Variants in HAUS7 observed in about 807,000 individuals in gnomAD.
HAUS7 encodes HAUS augmin like complex subunit 7.
A neutral mutation model predicts 28.4 loss-of-function variants in HAUS7; 3 were observed. That is an observed-to-expected ratio of 0.11 (90% CI 0.05 to 0.27). HAUS7 has a LOEUF of 0.27. Ranked by LOEUF, HAUS7 falls within the 10% of genes least tolerant of loss-of-function variation. The probability of loss-of-function intolerance (pLI) is 1.00; values close to 1 mark genes in which losing one functional copy is unlikely to be tolerated. For missense variants in HAUS7, 284 were observed against 297.3 expected, an observed-to-expected ratio of 0.96 and a Z score of 0.33; for synonymous variants, 165 against 132.1, an observed-to-expected ratio of 1.25 and a Z score of -1.71.
upstream of HAUS7, among the ~76,000 whole-genome samples, chrX:153,475,201 G>A (rs1460991877): frequency 8.9e-6 from 1 of 112,368 alleles, no homozygotes; most frequent in African/African-American, 3.2e-5. Flanking sequence ...TTTCACACGG[G>A]CAAAGAGGGT....
chrX:153,481,018 CA>C, intron 1 of HAUS7: 1 of 754,267 alleles, frequency 1.3e-6, no homozygotes, highest in Non-Finnish European at 1.6e-6. Context: ...GAGAACTGGC[CA>C]GGACAGGCGG....
At chrX:153,452,759 G>C (rs1439121011) in intron 9 of HAUS7, among the ~76,000 whole-genome samples, 2 of 111,902 alleles carry the variant, frequency 1.8e-5, no homozygotes, top group African/African-American at 6.5e-5. Flanking sequence ...GAGACAGGTG[G>C]ATCACCTGAG....
chrX:153,492,487 C>T (rs2089677478), intron 1 of HAUS7, among the ~76,000 whole-genome samples: 1 of 112,411 alleles, frequency 8.9e-6, no homozygotes, highest in African/African-American at 3.2e-5. Context: ...TTGCAGACTG[C>T]AAACCACAGA....
Position 153,456,247 on chromosome X carries a change from A to C in HAUS7, c.705+18T>G. ...CCTTGCCTCCAAGCAACCCCCTCCC[A>C]GGAGCTAGCACCCTCACCTCCGTTC... is the stretch of plus-strand genomic sequence containing the variant. On this transcript the variant is annotated intron_variant, in intron 7 of 9. Coordinates refer to ENST00000370211, the MANE Select transcript of HAUS7 (RefSeq NM_001385482.1). 2 of 1,168,278 alleles carry C rather than the reference A, an allele frequency of 1.7e-6. No individual in the cohort carries two copies. The highest frequency in any genetic ancestry group is 2.3e-6 in the Non-Finnish European group (2 of 858,068).
rs781805019 is a variant in HAUS7, at chrX:153,482,125, G to A, written c.-588-10980C>T. ...CGTGTTCCATCGCTGGGAGTAGGGG[G>A]AGCAGCACAGGCTTGCAGGCCCTGT... On this transcript the variant is annotated intron_variant, in intron 1 of 5. Coordinates refer to the HAUS7 transcript ENST00000370210. 5.3e-5 allele frequency among the ~76,000 whole-genome samples: 6 copies of A among 112,305 alleles called. No homozygotes were observed. In the Admixed American group the frequency reaches 5.6e-4, roughly 11 times the overall value.
rs782464135 is a variant in HAUS7 at position 153,469,251 on chromosome X, C to A, written c.119G>T (p.Cys40Phe). Reference sequence around the variant, plus strand: ...GATATACAGACCCTCGAGGAAGGGGCAGTTTAGGTCCTAAGCAAGGAAAAG... The same window carrying A: ...GATATACAGACCCTCGAGGAAGGGGAAGTTTAGGTCCTAAGCAAGGAAAAG... ...EVFGKLKDLN[C>F]PFLEGLYITE... is the part of the protein sequence containing the mutation. The change falls in exon 2 of 10, where the codon TGC (cysteine) becomes TTC (phenylalanine). Residue 40 changes from cysteine (C) to phenylalanine (F), a missense_variant. Cys to Phe is a radical substitution (Grantham distance 205). Transcript: ENST00000370211. 9.4e-7 allele frequency: 1 copy of A among 1,067,051 alleles called. No individual in the cohort carries two copies. Among genetic ancestry groups the A allele is most frequent in the Admixed American group, 2.2e-5 (1 of 45,302 alleles). 87.9% of individuals were successfully genotyped at this position (1,067,051 alleles called of 1,213,427 possible). A position where few individuals can be genotyped will look rare whatever the true frequency, so the allele number is the denominator to read the frequency against.
chrX:153,470,936 C>T (rs2089518251), upstream of HAUS7: 1 of 339,424 alleles, frequency 2.9e-6, no homozygotes, highest in Admixed American at 3.1e-5. Flanking sequence ...TGGCGTCGCC[C>T]CTGCTGCCGG....
intron 1 of HAUS7, among the ~76,000 whole-genome samples, chrX:153,469,919 A>T (rs1222418640): frequency 9.1e-6 from 1 of 110,256 alleles, no homozygotes; most frequent in Non-Finnish European, 1.9e-5. Context: ...TGGGGGGAGG[A>T]GCGAGCGGGC....
rs1556982019 is a variant in HAUS7 at position 153,455,786 on chromosome X, G to A, written c.706-20C>T. ...AAAGTACTGCAAAGCCAGAGGCAGA[G>A]TCCCTTGAGGCTGCCCTGCCCACCA... On this transcript the variant is annotated intron_variant, in intron 7 of 9. Coordinates refer to ENST00000370211, the MANE Select transcript of HAUS7 (RefSeq NM_001385482.1). 1.9e-6 allele frequency: 2 copies of A among 1,032,474 alleles called. No homozygotes were observed. Among genetic ancestry groups the A allele is most frequent in the Middle Eastern group, 2.8e-4 (1 of 3,575 alleles). The allele number at this position is 1,032,474 out of a possible 1,213,427, so 85.1% of individuals were successfully genotyped here. A position where few individuals can be genotyped will look rare whatever the true frequency, so the allele number is the denominator to read the frequency against.
At position 153,493,463 on chromosome X, in the gene HAUS7, T is replaced by C. The variant is rs2089684367; in HGVS notation, c.-589+1911A>G. Reference sequence around the variant, plus strand: ...GACCAGGCTGCCAAGAGTCGGACGCTGAGGCTGGGCAAAAGGTAAAACACA... The same window carrying C: ...GACCAGGCTGCCAAGAGTCGGACGCCGAGGCTGGGCAAAAGGTAAAACACA... On this transcript the variant is annotated intron_variant, in intron 1 of 5. Coordinates refer to the HAUS7 transcript ENST00000370210. Among the ~76,000 whole-genome samples the C allele has an allele frequency of 3.6e-5, 4 of 111,798 alleles. 1 individual carries two copies. The highest frequency in any genetic ancestry group is 2.8e-4 in the Admixed American group (3 of 10,606).
chrX:153,481,715 C>A (rs782667402), intron 1 of HAUS7: 1 of 740,847 alleles, frequency 1.3e-6, no homozygotes, highest in South Asian at 6.9e-5. Context: ...CCTGGGCTCC[C>A]ACCCTGGCTC....
At chrX:153,454,760 C>T (rs2089283184) in intron 8 of HAUS7, 4 of 553,010 alleles carry the variant, frequency 7.2e-6, no homozygotes, top group Non-Finnish European at 8.9e-6. Context: ...GCTCTGGCAA[C>T]CCTCGATGCC....
At position 153,463,123 on chromosome X, in the gene HAUS7, C is replaced by T. The variant is rs1332283421; in HGVS notation, c.293-452G>A. 3 of 331,922 alleles carry T rather than the reference C, an allele frequency of 9.0e-6. No homozygotes were observed. The East Asian group carries it at 2.9e-4, about 32-fold the overall frequency. The allele number at this position is 331,922 out of a possible 1,213,427, so 27.4% of individuals were successfully genotyped here. A position where few individuals can be genotyped will look rare whatever the true frequency, so the allele number is the denominator to read the frequency against. ...AGCCCTGGGGGTGGAAGACCTTGTT[C>T]CATTTCATGCATGGGGAACCTGGCG... is the stretch of plus-strand genomic sequence containing the variant. On this transcript the variant is annotated intron_variant, in intron 3 of 9. Transcript: ENST00000370211.
intron 1 of HAUS7, chrX:153,479,471 G>C (rs2089584508): frequency 1.6e-6 from 1 of 611,823 alleles, no homozygotes; most frequent in Non-Finnish European, 2.0e-6. Context: ...GGGCTGCAAA[G>C]GGCCCATGGC....
intron 1 of HAUS7, chrX:153,495,175 C>CGCTGTCCCAAGCCCTGGTCCT (rs2089701634): frequency 9.0e-6 from 1 of 111,005 alleles, no homozygotes; most frequent in African/African-American, 3.3e-5. Flanking sequence ...CTGCTGCCTC[C>CGCTGTCCCAAGCCCTGGTCCT]GCTGTCCCAA....
chrX:153,465,126 T>A, intron 2 of HAUS7, 71 bp from the exon 3 acceptor site: 1 of 675,144 alleles, frequency 1.5e-6, no homozygotes, highest in African/African-American at 2.1e-5. Context: ...CTATACGCGC[T>A]GGAAGAAGTG....
At chrX:153,464,681 G>A (rs2089434508) in intron 3 of HAUS7, among the ~76,000 whole-genome samples, 1 of 112,463 alleles carries the variant, frequency 8.9e-6, no homozygotes, top group African/African-American at 3.2e-5. Flanking sequence ...AGCAGCAGGT[G>A]CCCCTAGAAA....
rs1556980361 is a variant in HAUS7 at position 153,447,926 on chromosome X, A to C, written c.1046-17T>G. The stretch of plus-strand genomic sequence containing the variant: ...TCTTGGTAGCTGCAGAGGAAAGAAA[A>C]GAAACCAAAAGGATGGTGGGAGTGT... On this transcript the variant is annotated splice_polypyrimidine_tract_variant and intron_variant, in intron 9 of 9. Coordinates refer to ENST00000370211, the MANE Select transcript of HAUS7 (RefSeq NM_001385482.1). 2.6e-6 allele frequency: 3 copies of C among 1,175,937 alleles called. No homozygotes were observed. The highest frequency in any genetic ancestry group is 2.3e-6 in the Non-Finnish European group (2 of 864,152).
At chrX:153,480,416 C>T (rs1253421608) in intron 1 of HAUS7, among the ~76,000 whole-genome samples, 2 of 111,273 alleles carry the variant, frequency 1.8e-5, no homozygotes, top group Admixed American at 9.4e-5. Flanking sequence ...CTGCTGCTGA[C>T]GGTGGGGACA....
Sources: allele counts gnomAD v4.1 joint callset (sites outside exome capture counted in the v4.1 genomes callset), GRCh38; gene constraint gnomAD v4.1.1; transcripts MANE v1.5; gene names NCBI Gene and HGNC (gene_info 2026-07-23, HGNC 2026-07-21).